The following WBP1L variants were observed in gnomAD, a reference collection of about 807,000 sequenced individuals.
WBP1L encodes WW domain binding protein 1-like.
A neutral mutation model predicts 33.7 loss-of-function variants in WBP1L; 17 were observed. That is an observed-to-expected ratio of 0.50 (90% CI 0.34 to 0.76). WBP1L has a LOEUF of 0.76. WBP1L is among the 30% of genes least tolerant of loss of function. The probability of loss-of-function intolerance (pLI) is 0.01; values close to 1 mark genes in which losing one functional copy is unlikely to be tolerated. For synonymous variants in WBP1L, 173 were observed against 190.8 expected, an observed-to-expected ratio of 0.91 and a Z score of 0.77; for missense variants, 389 against 469.4, an observed-to-expected ratio of 0.83 and a Z score of 1.58.
At chr10:102,802,178 A>G (rs1159961618) in intron 2 of WBP1L, among the ~76,000 whole-genome samples, 3 of 129,320 alleles carry the variant, frequency 2.3e-5, no homozygotes, top group East Asian at 2.2e-4. Flanking sequence ...GTTTCACTCT[A>G]TCACCCAGGC....
chr10:102,813,426 G>T lies in WBP1L; in HGVS notation c.*95G>T. 1 of 1,450,398 alleles carries T rather than the reference G, an allele frequency of 6.9e-7. No homozygotes were observed. The allele number at this position is 1,450,398 out of a possible 1,614,324, so 89.8% of individuals were successfully genotyped here. On this transcript the variant is annotated 3_prime_UTR_variant, in exon 4 of 4. Transcript: ENST00000448841. ...TAAGTGACTTTCAAAGACTTTCAGA[G>T]TACAGCCACTTGGTTCCTTTTTGTT...
At chr10:102,806,643 C>T (rs113854767) in intron 2 of WBP1L, among the ~76,000 whole-genome samples, 270 of 152,336 alleles carry the variant, frequency 1.8e-3, no homozygotes, top group African/African-American at 6.1e-3. Context: ...TTCCTGTCTG[C>T]TGATGGGTAA....
chr10:102,763,549 A>G (rs1427897312), intron 1 of WBP1L, among the ~76,000 whole-genome samples: 1 of 152,182 alleles, frequency 6.6e-6, no homozygotes, highest in Non-Finnish European at 1.5e-5. Flanking sequence ...CAGGTCTGGA[A>G]TGCAAGAGAC....
chr10:102,807,949 G>A (rs1030660988), intron 2 of WBP1L, among the ~76,000 whole-genome samples: 1 of 151,928 alleles, frequency 6.6e-6, no homozygotes, highest in Middle Eastern at 3.2e-3. Context: ...GCTCACACCT[G>A]TAATCCTAGC....
At chr10:102,792,289 C>T (rs1166672274) in intron 1 of WBP1L, among the ~76,000 whole-genome samples, 1 of 152,206 alleles carries the variant, frequency 6.6e-6, no homozygotes, top group Non-Finnish European at 1.5e-5. Context: ...GGTGAAAGGC[C>T]TCGCGTAAGC....
At chr10:102,761,163 G>A (rs1192169249) in intron 1 of WBP1L, among the ~76,000 whole-genome samples, 6 of 142,026 alleles carry the variant, frequency 4.2e-5, no homozygotes, top group East Asian at 2.0e-4. Flanking sequence ...TTTTTGAGAC[G>A]GAGTCTCACT....
chr10:102,745,832 T>C (rs1842858314), intron 1 of WBP1L, among the ~76,000 whole-genome samples: 1 of 152,216 alleles, frequency 6.6e-6, no homozygotes, highest in Non-Finnish European at 1.5e-5. Flanking sequence ...TTTGTTGGGG[T>C]TGTTTTTCCA....
chr10:102,813,418 C>A lies in WBP1L; in HGVS notation c.*87C>A. 1 of 1,473,978 alleles carries A rather than the reference C, an allele frequency of 6.8e-7. No individual in the cohort carries two copies. Among genetic ancestry groups the A allele is most frequent in the Non-Finnish European group, 9.0e-7 (1 of 1,111,874 alleles). The allele number at this position is 1,473,978 out of a possible 1,614,324, so 91.3% of individuals were successfully genotyped here. On this transcript the variant is annotated 3_prime_UTR_variant, in exon 4 of 4. Transcript: ENST00000448841. ...AGAAGCATTAAGTGACTTTCAAAGACTTTCAGAGTACAGCCACTTGGTTCC... is the reference window on the plus strand; with the variant it reads ...AGAAGCATTAAGTGACTTTCAAAGAATTTCAGAGTACAGCCACTTGGTTCC...
chr10:102,804,409 C>CCTTT (rs1564769112), intron 2 of WBP1L, among the ~76,000 whole-genome samples: 3 of 125,348 alleles, frequency 2.4e-5, no homozygotes, highest in Non-Finnish European at 3.6e-5. Flanking sequence ...AAAAAAAGCC[C>CCTTT]TTTTTTTTTT....
chr10:102,759,069 T>G (rs1243005869), intron 1 of WBP1L, among the ~76,000 whole-genome samples: 1 of 152,182 alleles, frequency 6.6e-6, no homozygotes, highest in Admixed American at 6.5e-5. Flanking sequence ...GGACTCCGGA[T>G]GACTGTGGGC....
In WBP1L at chr10:102,814,439, C is replaced by T. The variant is rs1843898922; in HGVS notation, c.*1108C>T. ...GCCCCAGAGAAAGGGCCCCTGTAGC[C>T]TGGCTCTCACACAGTATTTTATCTT... is the stretch of plus-strand genomic sequence containing the variant. On this transcript the variant is annotated 3_prime_UTR_variant, in exon 4 of 4. Transcript: ENST00000448841. The T allele has an allele frequency of 6.6e-6, 1 of 152,482 alleles. No homozygotes were observed. The allele number at this position is 152,482 out of a possible 1,614,324, so 9.4% of individuals were successfully genotyped here.
chr10:102,744,209 T>C, intron 1 of WBP1L, 66 bp downstream of exon 1: 1 of 1,452,736 alleles, frequency 6.9e-7, no homozygotes, highest in Non-Finnish European at 9.2e-7. Flanking sequence ...GCTGGAGGGG[T>C]CTGAAGGAGT....
At chr10:102,751,301 C>T (rs1842922291) in intron 1 of WBP1L, among the ~76,000 whole-genome samples, 1 of 145,846 alleles carries the variant, frequency 6.9e-6, no homozygotes, top group Non-Finnish European at 1.5e-5. Flanking sequence ...TGCGCCCAAT[C>T]AAGGTTTTCT....
At chr10:102,761,120 T>C (rs930543735) in intron 1 of WBP1L, among the ~76,000 whole-genome samples, 3 of 133,374 alleles carry the variant, frequency 2.2e-5, no homozygotes, top group Admixed American at 7.4e-5. Context: ...TTGGCCAGGC[T>C]GTTTTTTTTT....
At chr10:102,756,003 T>A (rs758042480) in intron 1 of WBP1L, among the ~76,000 whole-genome samples, 10 of 151,394 alleles carry the variant, frequency 6.6e-5, no homozygotes, top group African/African-American at 9.7e-5. Context: ...CAAGATGGCC[T>A]ATGGCTCAGG....
intron 2 of WBP1L, among the ~76,000 whole-genome samples, chr10:102,805,106 A>T (rs1197768445): frequency 6.6e-6 from 1 of 151,908 alleles, no homozygotes; most frequent in African/African-American, 2.4e-5. Context: ...ACAAAGTGAG[A>T]CCACCCCCCT....
chr10:102,765,572 A>G (rs111666062), intron 1 of WBP1L, among the ~76,000 whole-genome samples: 138 of 152,006 alleles, frequency 9.1e-4, no homozygotes, highest in Non-Finnish European at 5.4e-4. Flanking sequence ...CTCTTCATTC[A>G]TGTGACGATC....
At chr10:102,761,790 C>A (rs1843045180) in intron 1 of WBP1L, among the ~76,000 whole-genome samples, 1 of 151,674 alleles carries the variant, frequency 6.6e-6, no homozygotes, top group African/African-American at 2.4e-5. Context: ...TTCAGGTGAT[C>A]CACCCACCTC....
At chr10:102,807,656 A>T (rs1478734787) in intron 2 of WBP1L, among the ~76,000 whole-genome samples, 3 of 152,016 alleles carry the variant, frequency 2.0e-5, no homozygotes, top group Admixed American at 6.6e-5. Context: ...ACAGGGTGTG[A>T]GCCCCTGCGC....
Sources: gnomAD v4.1 joint callset for allele counts (sites outside exome capture counted in the v4.1 genomes callset) on GRCh38, gnomAD v4.1.1 for gene constraint, MANE v1.5 for transcripts, NCBI Gene and HGNC (gene_info 2026-07-23, HGNC 2026-07-21) for gene names.